ZBBX: variants seen among roughly 807,000 people sequenced by gnomAD.
ZBBX encodes the protein zinc finger B-box domain containing.
A neutral mutation model predicts 108.5 loss-of-function variants in ZBBX; 101 were observed. The observed-to-expected ratio is 0.93, with a 90% CI of 0.79 to 1.10. The LOEUF is 1.10. Among genes scored for constraint, ZBBX ranks in the 50% least tolerant of loss-of-function variants. The probability of loss-of-function intolerance (pLI) is 0.00; values close to 1 mark genes in which losing one functional copy is unlikely to be tolerated. For synonymous variants in ZBBX, 356 were observed against 323.4 expected (o/e 1.10, Z -1.08); for missense variants, 1,009 against 941.4 (o/e 1.07, Z -0.94).
intron 19 of ZBBX, among the ~76,000 whole-genome samples, chr3:167,285,855 T>C (rs1418298280): frequency 1.3e-5 from 2 of 152,104 alleles, no homozygotes; most frequent in African/African-American, 4.8e-5. Context: ...AAACACTTAC[T>C]GAGCACTTAC....
At chr3:167,387,503 G>A (rs1434221939) in intron 1 of ZBBX, among the ~76,000 whole-genome samples, 1 of 152,002 alleles carries the variant, frequency 6.6e-6, no homozygotes, top group African/African-American at 2.4e-5. Flanking sequence ...CTGGTATGGA[G>A]CGTGGGTGAA....
chr3:167,314,070 C>T lies in ZBBX; in HGVS notation c.1321G>A (p.Gly441Ser). The T allele has an allele frequency of 1.9e-6, 3 of 1,603,742 alleles. No individual in the cohort carries two copies. Among genetic ancestry groups the T allele is most frequent in the Non-Finnish European group, 2.6e-6 (3 of 1,174,970 alleles). The change falls in exon 16 of 22, where the codon GGC (glycine) becomes AGC (serine). Residue 441 changes from glycine to serine, a missense_variant. Coordinates refer to ENST00000675490, the MANE Select transcript of ZBBX (RefSeq NM_001199201.2). ...CQKNSFPYEN[G>S]IHQHHVFDKG... ...TCGAAAACATGATGTTGATGGATGCCATTTTCATATGGAAAGCTATTCTTC... is the reference window on the plus strand; with the variant it reads ...TCGAAAACATGATGTTGATGGATGCTATTTTCATATGGAAAGCTATTCTTC...
At chr3:167,369,280 C>T (rs1180465492) in intron 4 of ZBBX, among the ~76,000 whole-genome samples, 1 of 152,148 alleles carries the variant, frequency 6.6e-6, no homozygotes, top group African/African-American at 2.4e-5. Context: ...ATTGTAAGTC[C>T]AAATCTCTTC....
chr3:167,366,857 C>T (rs1207840092), intron 5 of ZBBX: 3 of 455,932 alleles, frequency 6.6e-6, no homozygotes, highest in Non-Finnish European at 8.8e-6. Flanking sequence ...AAGTCCAAAT[C>T]AGTGAAGGTA....
downstream of ZBBX, among the ~76,000 whole-genome samples, chr3:167,238,269 A>G (rs746314697): frequency 6.6e-6 from 1 of 152,060 alleles, no homozygotes; most frequent in Non-Finnish European, 1.5e-5. Flanking sequence ...TTGGTGACTC[A>G]CTGTTGTCTG....
chr3:167,261,842 C>T (rs1215156365), intron 20 of ZBBX, among the ~76,000 whole-genome samples: 1 of 150,860 alleles, frequency 6.6e-6, no homozygotes, highest in Non-Finnish European at 1.5e-5. Flanking sequence ...GTGGAGTCTG[C>T]ACACCAGATT....
intron 17 of ZBBX, among the ~76,000 whole-genome samples, chr3:167,300,769 C>T (rs1369497152): frequency 6.6e-6 from 1 of 151,944 alleles, no homozygotes; most frequent in Non-Finnish European, 1.5e-5. Flanking sequence ...AGGCACCTGC[C>T]ACCACGCCCA....
chr3:167,342,309 A>G lies in ZBBX; in HGVS notation c.528+8111T>C, dbSNP rs140810753. 8.6e-3 allele frequency among the ~76,000 whole-genome samples: 1,313 copies of G among 151,916 alleles called. 21 individuals are homozygous for G. The highest frequency in any genetic ancestry group is 0.03 in the African/African-American group (1,238 of 41,550). On this transcript the variant is annotated intron_variant, in intron 9 of 21. Coordinates refer to ENST00000675490, the MANE Select transcript of ZBBX (RefSeq NM_001199201.2). ...AGTCCCTCAAATATTCTGCATCAAC[A>G]TGATTGACTAAAGGTTCAGACAGTG...
At chr3:167,201,247 A>G in the ZBBX span, among the ~76,000 whole-genome samples, 1 of 152,144 alleles carries the variant, frequency 6.6e-6, no homozygotes, top group Non-Finnish European at 1.5e-5. Context: ...TTAATGTGTT[A>G]GACTAGGGCT....
the ZBBX span, among the ~76,000 whole-genome samples, chr3:167,223,040 T>C: frequency 6.6e-6 from 1 of 151,960 alleles, no homozygotes; most frequent in Non-Finnish European, 1.5e-5. Flanking sequence ...CGTAATATCA[T>C]ATGTACCCCA....
rs1338757487 is a variant in ZBBX, at chr3:167,282,421, A to G, written c.2071T>C (p.Ser691Pro). 1 of 1,614,120 alleles carries G rather than the reference A, an allele frequency of 6.2e-7. No homozygotes were observed. The change falls in exon 20 of 22, where the codon TCA becomes CCA. Residue 691 changes from serine (S) to proline (P), a missense_variant. Physicochemically the swap from Ser to Pro is moderately conservative, Grantham distance 74. Coordinates refer to ENST00000675490, the MANE Select transcript of ZBBX (RefSeq NM_001199201.2). ...CTTCTTGATCGAGGATGAGAGGATG[A>G]AAGGCAACTGGAGCTTTCTTTAACA... is the stretch of plus-strand genomic sequence containing the variant. ...NSVKESSSCL[S>P]SSHPRSRSAA...
rs1010512995 is a variant in ZBBX, at chr3:167,282,507, A to G, written c.1997-12T>C. On this transcript the variant is annotated splice_polypyrimidine_tract_variant and intron_variant, in intron 19 of 21. Coordinates refer to ENST00000675490, the MANE Select transcript of ZBBX (RefSeq NM_001199201.2). ...CTGTGATTTCTGACCTAAAATTAAAAGTAAAAAGTTTTTAAATCAACTTTT... is the reference window on the plus strand; with the variant it reads ...CTGTGATTTCTGACCTAAAATTAAAGGTAAAAAGTTTTTAAATCAACTTTT... 8 of 1,588,242 alleles carry G rather than the reference A, an allele frequency of 5.0e-6. No homozygotes were observed. Among genetic ancestry groups the G allele is most frequent in the South Asian group, 1.1e-5 (1 of 87,114 alleles).
chr3:167,306,482 A>G (rs1002926123), intron 16 of ZBBX, among the ~76,000 whole-genome samples: 8 of 152,228 alleles, frequency 5.3e-5, no homozygotes, highest in African/African-American at 9.6e-5. Context: ...TGTATTAGTC[A>G]TCTACCTCAT....
chr3:167,184,746 G>A, the ZBBX span, among the ~76,000 whole-genome samples: 7 of 152,138 alleles, frequency 4.6e-5, no homozygotes, highest in Admixed American at 2.6e-4. Context: ...AGTGGCAACA[G>A]GTAAACCAAG....
the ZBBX span, among the ~76,000 whole-genome samples, chr3:167,193,561 G>A: frequency 7.2e-4 from 109 of 152,150 alleles, no homozygotes; most frequent in African/African-American, 2.6e-3. Context: ...TGGGTTCCCT[G>A]GCAATGCATG....
At chr3:167,344,633 T>C (rs1016914622) in intron 9 of ZBBX, among the ~76,000 whole-genome samples, 1 of 151,634 alleles carries the variant, frequency 6.6e-6, no homozygotes, top group Non-Finnish European at 1.5e-5. Context: ...CAGCTGTTCC[T>C]TTTTGGTGGT....
At chr3:167,356,058 A>G (rs761721108) in intron 8 of ZBBX, among the ~76,000 whole-genome samples, 3 of 152,016 alleles carry the variant, frequency 2.0e-5, no homozygotes, top group African/African-American at 4.8e-5. Flanking sequence ...TTCAAGTTCC[A>G]TGGCTCAAGT....
chr3:167,240,609 T>C lies in ZBBX; in HGVS notation c.*184A>G, dbSNP rs1362883241. ...ATATAGATTAGTGGTTGACATATAA[T>C]ATATCATTGGAAGAATAAGCCCTTG... On this transcript the variant is annotated 3_prime_UTR_variant, in exon 22 of 22. Coordinates refer to ENST00000675490, the MANE Select transcript of ZBBX (RefSeq NM_001199201.2). The C allele has an allele frequency of 1.8e-6, 1 of 546,236 alleles. No homozygotes were observed. The highest frequency in any genetic ancestry group is 1.9e-5 in the African/African-American group (1 of 52,146). The allele number at this position is 546,236 out of a possible 1,614,324, so 33.8% of individuals were successfully genotyped here.
At chr3:167,316,404 A>C (rs1249021041) in intron 14 of ZBBX, among the ~76,000 whole-genome samples, 1 of 152,092 alleles carries the variant, frequency 6.6e-6, no homozygotes, top group Non-Finnish European at 1.5e-5. Flanking sequence ...TGGCACATTC[A>C]GCTACTATAT....
Sources: gnomAD v4.1 joint callset for allele counts (sites outside exome capture counted in the v4.1 genomes callset) on GRCh38, gnomAD v4.1.1 for gene constraint, MANE v1.5 for transcripts, NCBI Gene and HGNC (gene_info 2026-07-23, HGNC 2026-07-21) for gene names.